Variants in RAPGEF3 observed in about 807,000 individuals in gnomAD.
RAPGEF3 encodes the protein 9330170P05Rik.
In RAPGEF3, 103 loss-of-function variants were observed where a neutral mutation model predicts 129.8. That is an observed-to-expected ratio of 0.79 (90% CI 0.68 to 0.93). The LOEUF (loss-of-function observed/expected upper bound fraction) is 0.93. Among genes scored for constraint, RAPGEF3 ranks in the 40% least tolerant of loss-of-function variants. RAPGEF3 has a pLI of 0.00. For synonymous variants in RAPGEF3, 436 were observed against 482.6 expected (o/e 0.90, Z 1.26); for missense variants, 1,117 against 1,207.4 (o/e 0.93, Z 1.11).
intron 2 of RAPGEF3, among the ~76,000 whole-genome samples, chr12:47,753,124 A>C (rs556324257): frequency 6.6e-6 from 1 of 152,312 alleles, no homozygotes; most frequent in East Asian, 1.9e-4. Context: ...CCTTGATTTC[A>C]TTGGATCTCA....
Position 47,740,178 on chromosome 12 carries a change from T to G in RAPGEF3, c.2336A>C (p.Lys779Thr), listed in dbSNP as rs779365075. 32 of 1,613,486 alleles carry G rather than the reference T, an allele frequency of 2.0e-5. No individual in the cohort carries two copies. Among genetic ancestry groups the G allele is most frequent in the Non-Finnish European group, 2.7e-5 (32 of 1,179,862 alleles). ...LAHTWERLPH[K>T]VRKLYSALER... ...GAGGGCGGAGTACAGCTTCCGGACT[T>G]TGTGAGGCAGCCGCTGTGAAAAGGA... Residue 779 changes from lysine to threonine, a missense_variant, in exon 23 of 28, where the codon AAA becomes ACA. Transcript: ENST00000449771.
rs757623048 is a variant in RAPGEF3, at chr12:47,744,248, CAGG to C, written c.1597-183_1597-181del. The C allele has an allele frequency of 1.2e-3, 702 of 608,822 alleles. 6 individuals are homozygous for C. Among genetic ancestry groups the C allele is most frequent in the Non-Finnish European group, 1.7e-3 (583 of 337,332 alleles). 37.7% of individuals were successfully genotyped at this position (608,822 alleles called of 1,614,324 possible). The stretch of plus-strand genomic sequence containing the variant: ...GGTAAGGCACCTGGGACCAAGGATC[CAGG>C]AGAAGACACAACATGTCTAAGGGCG... On this transcript the variant is annotated intron_variant, in intron 16 of 27. Transcript: ENST00000449771.
At chr12:47,740,855 T>TGCTGA in intron 20 of RAPGEF3, 32 bp from the exon 21 acceptor site, 6 of 1,613,434 alleles carry the variant, frequency 3.7e-6, no homozygotes, top group Non-Finnish European at 5.1e-6. Flanking sequence ...GGTCAGCGAG[T>TGCTGA]GCTGAGCCGA....
chr12:47,748,893 G>A lies in RAPGEF3; in HGVS notation c.1080C>T (p.Gly360=). The change falls in exon 11 of 28, where the codon GGC becomes GGT. Residue 360 remains glycine, a synonymous_variant. Coordinates refer to ENST00000449771, the MANE Select transcript of RAPGEF3 (RefSeq NM_001098531.4). ...CTCTCTCCAGCACCAGCACCACTTT[G>A]CCATGTTCTTCCAGCCGCATGGTCT... The part of the protein sequence containing the change: ...EAKTMRLEEH[G]KVVLVLERAS... The A allele has an allele frequency of 1.2e-6, 2 of 1,614,050 alleles. No homozygotes were observed. Among genetic ancestry groups the A allele is most frequent in the Non-Finnish European group, 8.5e-7 (1 of 1,179,966 alleles).
chr12:47,746,178 G>A (rs1163802270), intron 16 of RAPGEF3: 7 of 170,834 alleles, frequency 4.1e-5, no homozygotes, highest in Non-Finnish European at 8.6e-5. Context: ...AGGGATAAGT[G>A]CAAAGGCCCT....
chr12:47,747,857 T>G lies in RAPGEF3; in HGVS notation c.1328A>C (p.His443Pro). ...CTCGCTGCCACCCGCAGGCTCCACA[T>G]GGAAGGTGGGCACCAGTCAAGGGAA... is the stretch of plus-strand genomic sequence containing the variant. ...QLCAALLHHF[H>P]VEPAGGSEQE... Residue 443 changes from histidine (H) to proline (P), a missense_variant, in exon 14 of 28, where the codon CAT becomes CCT. His to Pro is a moderately conservative substitution (Grantham distance 77, BLOSUM62 -2). Transcript: ENST00000449771. The G allele has an allele frequency of 1.2e-6, 2 of 1,603,042 alleles. No homozygotes were observed. Among genetic ancestry groups the G allele is most frequent in the Non-Finnish European group, 1.7e-6 (2 of 1,179,734 alleles).
Position 47,746,852 on chromosome 12 carries a change from G to A in RAPGEF3, c.1596+8C>T. Reference sequence around the variant, plus strand: ...AGCAGAGGAAAGAAACTGGGGCCAGGCAGACACCTTCATCTGAGGAGATGC... The same window carrying A: ...AGCAGAGGAAAGAAACTGGGGCCAGACAGACACCTTCATCTGAGGAGATGC... On this transcript the variant is annotated splice_region_variant and intron_variant, in intron 16 of 27. Transcript: ENST00000449771. 1 of 1,591,152 alleles carries A rather than the reference G, an allele frequency of 6.3e-7. No individual in the cohort carries two copies. The highest frequency in any genetic ancestry group is 8.5e-7 in the Non-Finnish European group (1 of 1,172,302).
rs1942262503 is a variant in RAPGEF3 at position 47,758,859 on chromosome 12, G to A, written c.-303C>T. Reference sequence around the variant, plus strand: ...CAGACGAAGGAGCCAGCTGGCACCGGGCGCTGAAGCAAGGCTGCGCTGGCA... The same window carrying A: ...CAGACGAAGGAGCCAGCTGGCACCGAGCGCTGAAGCAAGGCTGCGCTGGCA... On this transcript the variant is annotated 5_prime_UTR_variant, in exon 1 of 28. Coordinates refer to ENST00000449771, the MANE Select transcript of RAPGEF3 (RefSeq NM_001098531.4). 2 of 1,181,944 alleles carry A rather than the reference G, an allele frequency of 1.7e-6. No homozygotes were observed. Among genetic ancestry groups the A allele is most frequent in the South Asian group, 3.5e-5 (1 of 28,948 alleles). 73.2% of individuals were successfully genotyped at this position (1,181,944 alleles called of 1,614,324 possible).
Position 47,736,326 on chromosome 12 carries a change from C to T in RAPGEF3, c.*1241G>A, listed in dbSNP as rs759374218. On this transcript the variant is annotated 3_prime_UTR_variant, in exon 28 of 28. Coordinates refer to ENST00000449771, the MANE Select transcript of RAPGEF3 (RefSeq NM_001098531.4). ...ACCAGCTGCCTCTGGACGCCCAAGG[C>T]CCTGCAGCCTCAATACCTACTCAGG... The T allele has an allele frequency of 6.6e-6, 1 of 152,280 alleles. No homozygotes were observed. The highest frequency in any genetic ancestry group is 1.5e-5 in the Non-Finnish European group (1 of 68,072). The allele number at this position is 152,280 out of a possible 1,614,324, so 9.4% of individuals were successfully genotyped here. A position where few individuals can be genotyped will look rare whatever the true frequency, so the allele number is the denominator to read the frequency against.
intron 25 of RAPGEF3, 34 bp from the exon 26 acceptor site, chr12:47,738,281 G>C (rs762656192): frequency 1.2e-6 from 2 of 1,610,844 alleles, no homozygotes; most frequent in Admixed American, 1.7e-5. Context: ...GCTCTTGCCT[G>C]AGGGAGAAAC....
intron 17 of RAPGEF3, 91 bp from the exon 18 acceptor site, chr12:47,743,767 G>T: frequency 6.6e-7 from 1 of 1,518,720 alleles, no homozygotes; most frequent in South Asian, 1.2e-5. Context: ...TGGTGGGAGG[G>T]ATCCCCAAGA....
chr12:47,740,694 C>T lies in RAPGEF3; in HGVS notation c.2179G>A (p.Val727Met), dbSNP rs371356808. 5.1e-5 allele frequency: 83 copies of T among 1,613,896 alleles called. No homozygotes were observed. The highest frequency in any genetic ancestry group is 3.2e-4 in the Admixed American group (19 of 60,032). The change falls in exon 21 of 28, where the codon GTG (valine) becomes ATG (methionine). Residue 727 changes from valine (V) to methionine (M), a missense_variant. Transcript: ENST00000449771. ...AGCAGCTGGGCCCGGGGGCCGGGCA[C>T]GGGGCAGAGACACAGCTCGGTGGCC... ...WVATELCLCP[V>M]PGPRAQLLRK...
chr12:47,747,975 T>C (rs1941520719), intron 13 of RAPGEF3, 99 bp downstream of exon 13: 3 of 1,573,430 alleles, frequency 1.9e-6, no homozygotes. Context: ...CAGGCTGGCA[T>C]TTAAAGGGCT....
intron 2 of RAPGEF3, among the ~76,000 whole-genome samples, chr12:47,754,799 T>C (rs1413035020): frequency 6.6e-6 from 1 of 152,156 alleles, no homozygotes. Context: ...AAGAAGCAGC[T>C]GATATGAGTC....
intron 12 of RAPGEF3, 47 bp from the exon 13 acceptor site, chr12:47,748,199 C>T (rs1251592404): frequency 1.4e-6 from 2 of 1,425,654 alleles, no homozygotes; most frequent in Non-Finnish European, 1.9e-6. Flanking sequence ...GAGGCCAAGT[C>T]TGCTGAGCAC....
In RAPGEF3 at chr12:47,736,959, A is replaced by T. The variant is rs1405475225; in HGVS notation, c.*608T>A. The stretch of plus-strand genomic sequence containing the variant: ...CTTCTCCTCCACAGCTCCTTCCCAG[A>T]GGGCGGGGCCTCAGCCTCCCTGCCA... On this transcript the variant is annotated 3_prime_UTR_variant, in exon 28 of 28. Coordinates refer to ENST00000449771, the MANE Select transcript of RAPGEF3 (RefSeq NM_001098531.4). The T allele has an allele frequency of 1.3e-5, 2 of 152,688 alleles. No homozygotes were observed. The highest frequency in any genetic ancestry group is 2.9e-5 in the Non-Finnish European group (2 of 68,426). 9.5% of individuals were successfully genotyped at this position (152,688 alleles called of 1,614,324 possible).
At position 47,758,589 on chromosome 12, in the gene RAPGEF3, T is replaced by C. The variant is rs748001365; in HGVS notation, c.-33A>G. 9 of 1,613,376 alleles carry C rather than the reference T, an allele frequency of 5.6e-6. No individual in the cohort carries two copies. In the Admixed American group the frequency reaches 1.5e-4, roughly 27 times the overall value. The stretch of plus-strand genomic sequence containing the variant: ...TTCAAGCTCGCACAGCCGTGCAGGC[T>C]CTAGCAAAAGGCTGGGGGGTCCCCA... On this transcript the variant is annotated 5_prime_UTR_variant, in exon 1 of 28. Transcript: ENST00000449771.
At chr12:47,750,086 G>A in intron 7 of RAPGEF3, 96 bp from the exon 8 acceptor site, 1 of 1,419,472 alleles carries the variant, frequency 7.0e-7, no homozygotes, top group South Asian at 1.2e-5. Context: ...AGACACAAGT[G>A]CTGGGGGACA....
intron 12 of RAPGEF3, 30 bp from the exon 13 acceptor site, chr12:47,748,182 G>C: frequency 6.7e-7 from 1 of 1,498,536 alleles, no homozygotes. Context: ...GATGGGAGGA[G>C]GCTTCAGAGG....
Sources: gnomAD v4.1 joint callset for allele counts (sites outside exome capture counted in the v4.1 genomes callset) on GRCh38, gnomAD v4.1.1 for gene constraint, MANE v1.5 for transcripts, NCBI Gene and HGNC (gene_info 2026-07-23, HGNC 2026-07-21) for gene names.